The following PKHD1L1 variants were observed in gnomAD, a reference collection of about 807,000 sequenced individuals.
PKHD1L1 encodes PKHD1 like 1, also known as fibrocystin-L.
In PKHD1L1, 434 loss-of-function variants were observed where a neutral mutation model predicts 462.9. The observed-to-expected ratio is 0.94, with a 90% confidence interval of 0.87 to 1.02. The LOEUF (loss-of-function observed/expected upper bound fraction) is 1.02, where lower values mean the gene tolerates loss of function less well. Among genes scored for constraint, PKHD1L1 ranks in the 50% least tolerant of loss-of-function variants. The probability of loss-of-function intolerance (pLI) is 0.00; values close to 1 mark genes in which losing one functional copy is unlikely to be tolerated. For synonymous variants in PKHD1L1, 1,781 were observed against 1,750.0 expected (o/e 1.02, Z -0.44); for missense variants, 5,202 against 5,096.1 (o/e 1.02, Z -0.63).
intron 24 of PKHD1L1, among the ~76,000 whole-genome samples, chr8:109,425,788 A>G (rs967361429): frequency 1.3e-5 from 2 of 152,142 alleles, no homozygotes; most frequent in African/African-American, 4.8e-5. Context: ...GCTATTCAAT[A>G]TGGTAGCCAT....
At chr8:109,390,766 T>G (rs1366851907) in intron 9 of PKHD1L1, among the ~76,000 whole-genome samples, 1 of 152,152 alleles carries the variant, frequency 6.6e-6, no homozygotes, top group East Asian at 1.9e-4. Context: ...CCTGCAGCTT[T>G]TCTGATTTAA....
chr8:109,452,477 A>G (rs1037120415), intron 42 of PKHD1L1, among the ~76,000 whole-genome samples, 197 bp downstream of exon 42: 1 of 151,506 alleles, frequency 6.6e-6, no homozygotes, highest in African/African-American at 2.4e-5. Context: ...GATTTTTCTG[A>G]GTTGTGGGGT....
At position 109,394,581 on chromosome 8, in the gene PKHD1L1, A is replaced by G. The variant is rs910433330; in HGVS notation, c.811+96A>G. The stretch of plus-strand genomic sequence containing the variant: ...AAAGACAATGAGTGTAAGGTGTATT[A>G]TATTATTTGATGTACTGCTAGGAAA... On this transcript the variant is annotated intron_variant, in intron 10 of 77. Transcript: ENST00000378402. 3 of 736,210 alleles carry G rather than the reference A, an allele frequency of 4.1e-6. No individual in the cohort carries two copies. In the African/African-American group the frequency reaches 5.5e-5, roughly 14 times the overall value. 45.6% of individuals were successfully genotyped at this position (736,210 alleles called of 1,614,324 possible). A position where few individuals can be genotyped will look rare whatever the true frequency, so the allele number is the denominator to read the frequency against.
In PKHD1L1 at chr8:109,442,053, T is replaced by C; in HGVS notation, c.4251T>C (p.Ser1417=). ...GGTCACCACCAGTCCTAAATGTGTC[T>C]GTGGGGGACACAGTGGCATGGCATT... ...YAWSPPVLNV[S]VGDTVAWHWQ... The change falls in exon 35 of 78, where the codon TCT becomes TCC. Residue 1417 remains serine, a synonymous_variant. Coordinates refer to ENST00000378402, the MANE Select transcript of PKHD1L1 (RefSeq NM_177531.6). 6.2e-7 allele frequency: 1 copy of C among 1,613,264 alleles called. No homozygotes were observed. Among genetic ancestry groups the C allele is most frequent in the Non-Finnish European group, 8.5e-7 (1 of 1,179,466 alleles).
intron 2 of PKHD1L1, among the ~76,000 whole-genome samples, chr8:109,365,527 C>T (rs573632633): frequency 4.9e-4 from 74 of 151,974 alleles, no homozygotes; most frequent in African/African-American, 1.8e-3. Context: ...GAGTTAAGAC[C>T]CATGAACAAT....
chr8:109,407,939 C>A (rs1017252862), intron 17 of PKHD1L1, 110 bp from the exon 18 acceptor site: 1 of 681,408 alleles, frequency 1.5e-6, no homozygotes, highest in Non-Finnish European at 2.0e-6. Flanking sequence ...CCAAATGAAA[C>A]CAATTTGGCT....
intron 39 of PKHD1L1, 76 bp downstream of exon 39, chr8:109,448,467 AAT>A (rs1326911236): frequency 1.4e-6 from 2 of 1,381,676 alleles, no homozygotes; most frequent in Non-Finnish European, 1.9e-6. Flanking sequence ...TTTAGAAAAT[AAT>A]ATGTTACTCA....
chr8:109,411,474 A>G (rs73700880), intron 19 of PKHD1L1, among the ~76,000 whole-genome samples: 5,452 of 152,310 alleles, frequency 0.036, 306 homozygotes, highest in African/African-American at 0.11. Context: ...ACTTCATTTA[A>G]TAAGCATATG....
chr8:109,429,182 C>A (rs1046347500), intron 25 of PKHD1L1, among the ~76,000 whole-genome samples, 158 bp from the exon 26 acceptor site: 1 of 151,910 alleles, frequency 6.6e-6, no homozygotes, highest in Admixed American at 6.6e-5. Flanking sequence ...TTTGAAGAGG[C>A]TCCTTTTATT....
chr8:109,476,495 T>C lies in PKHD1L1; in HGVS notation c.8758-13T>C. 1 of 1,404,884 alleles carries C rather than the reference T, an allele frequency of 7.1e-7. No homozygotes were observed. The highest frequency in any genetic ancestry group is 1.5e-5 in the African/African-American group (1 of 68,188). 87.0% of individuals were successfully genotyped at this position (1,404,884 alleles called of 1,614,324 possible). On this transcript the variant is annotated splice_polypyrimidine_tract_variant and intron_variant, in intron 51 of 77. Transcript: ENST00000378402. ...TTAACATACAAGTCACATTTTTCTA[T>C]AAACTTTTATAGGAAGAAGACTATG...
At chr8:109,522,104 G>T in intron 73 of PKHD1L1, 82 bp from the exon 74 acceptor site, 1 of 1,348,988 alleles carries the variant, frequency 7.4e-7, no homozygotes, top group Non-Finnish European at 1.0e-6. Flanking sequence ...GCAATGCAAA[G>T]AATGCTAAAG....
chr8:109,464,847 A>C lies in PKHD1L1; in HGVS notation c.8015A>C (p.Asn2672Thr). Residue 2672 changes from asparagine (N) to threonine (T), a missense_variant, in exon 49 of 78, where the codon AAC becomes ACC. Physicochemically the swap from Asn to Thr is moderately conservative, Grantham distance 65. Around this residue, in one of 3 missense-constraint regions of PKHD1L1, gnomAD observed 4,497 missense variants for 4,336.8 expected, o/e 1.04. Transcript: ENST00000378402. ...AATGGAGGTGCCCTTCAGTTCCATA[A>C]CTTTGTGATGGTGAATAACTATGAG... The part of the protein sequence containing the change: ...WVNGGALQFH[N>T]FVMVNNYEAG... The C allele has an allele frequency of 6.2e-7, 1 of 1,613,820 alleles. No individual in the cohort carries two copies. The highest frequency in any genetic ancestry group is 8.5e-7 in the Non-Finnish European group (1 of 1,179,798).
intron 76 of PKHD1L1, among the ~76,000 whole-genome samples, chr8:109,524,913 CCTCT>C (rs1178791973): frequency 2.0e-5 from 3 of 150,548 alleles, no homozygotes; most frequent in African/African-American, 4.9e-5. Flanking sequence ...CTCCCCTCTT[CCTCT>C]CTCTCTCCTC....
intron 76 of PKHD1L1, among the ~76,000 whole-genome samples, chr8:109,523,626 T>C (rs1234154245): frequency 1.3e-5 from 2 of 152,190 alleles, no homozygotes; most frequent in African/African-American, 2.4e-5. Flanking sequence ...ATTTATCCAT[T>C]TGTATACTTT....
intron 7 of PKHD1L1, among the ~76,000 whole-genome samples, 180 bp downstream of exon 7, chr8:109,388,730 G>T (rs1343256330): frequency 2.0e-5 from 3 of 152,030 alleles, no homozygotes; most frequent in East Asian, 3.9e-4. Context: ...TTACAGTTAG[G>T]TCTCCAAGAT....
At chr8:109,489,229 T>C (rs891258966) in intron 59 of PKHD1L1, among the ~76,000 whole-genome samples, 5 of 152,008 alleles carry the variant, frequency 3.3e-5, no homozygotes, top group Admixed American at 6.6e-5. Flanking sequence ...ACAAATAATA[T>C]TCTCTTTTGT....
intron 30 of PKHD1L1, among the ~76,000 whole-genome samples, chr8:109,436,867 G>C (rs992028953): frequency 3.9e-5 from 6 of 152,142 alleles, no homozygotes; most frequent in African/African-American, 1.4e-4. Flanking sequence ...AAAATGAGTA[G>C]TCTAAAGATT....
intron 11 of PKHD1L1, among the ~76,000 whole-genome samples, chr8:109,397,853 A>C (rs1813057955): frequency 6.6e-6 from 1 of 152,208 alleles, no homozygotes; most frequent in Non-Finnish European, 1.5e-5. Context: ...GGCTGACCAT[A>C]TGTGAGGCAT....
intron 32 of PKHD1L1, 118 bp from the exon 33 acceptor site, chr8:109,440,592 A>G (rs1815722172): frequency 1.2e-6 from 1 of 830,982 alleles, no homozygotes; most frequent in East Asian, 2.6e-5. Flanking sequence ...TTGAAAAAGT[A>G]ATGTACAGTT....
Sources: gnomAD v4.1 joint callset for allele counts (sites outside exome capture counted in the v4.1 genomes callset) on GRCh38, gnomAD v4.1.1 for gene constraint, gnomAD v4.1.1 regional missense constraint, MANE v1.5 for transcripts, NCBI Gene and HGNC (gene_info 2026-07-23, HGNC 2026-07-21) for gene names.